FUT9: variants seen among roughly 807,000 people sequenced by gnomAD.
The protein encoded by FUT9 is fucosyltransferase 9, also known as 4-galactosyl-N-acetylglucosaminide 3-alpha-L-fucosyltransferase 9.
Under a neutral mutation model 29.7 loss-of-function variants are expected in FUT9, and 15 were observed. The observed-to-expected ratio is 0.51, with a 90% CI of 0.34 to 0.78. The LOEUF (loss-of-function observed/expected upper bound fraction) is 0.78, where lower values mean the gene tolerates loss of function less well. FUT9 is among the 30% of genes least tolerant of loss of function. FUT9 has a pLI of 0.01. For synonymous variants in FUT9, 169 were observed against 153.7 expected (o/e 1.10, Z -0.74); for missense variants, 319 against 425.4 (o/e 0.75, Z 2.20).
chr6:96,048,441 G>T (rs1770604497), intron 1 of FUT9, among the ~76,000 whole-genome samples: 1 of 152,176 alleles, frequency 6.6e-6, no homozygotes, highest in Admixed American at 6.5e-5. Context: ...TCAATGGGAA[G>T]TGTTTGTAGC....
At chr6:96,118,783 G>T (rs1771963905) in intron 2 of FUT9, among the ~76,000 whole-genome samples, 1 of 152,162 alleles carries the variant, frequency 6.6e-6, no homozygotes, top group Non-Finnish European at 1.5e-5. Flanking sequence ...ACAAGATATG[G>T]AGGTAGAAGA....
At chr6:96,018,821 G>C (rs1351098277) in intron 1 of FUT9, among the ~76,000 whole-genome samples, 2 of 151,972 alleles carry the variant, frequency 1.3e-5, no homozygotes, top group Admixed American at 6.6e-5. Flanking sequence ...TGCAGGAAGG[G>C]AGAGATAGAG....
At chr6:96,069,088 T>C (rs962753768) in intron 1 of FUT9, among the ~76,000 whole-genome samples, 1 of 152,138 alleles carries the variant, frequency 6.6e-6, no homozygotes, top group Admixed American at 6.6e-5. Flanking sequence ...AGGCCGAGGC[T>C]GGCGGATCAC....
At chr6:96,182,859 G>C (rs78945901) in intron 2 of FUT9, among the ~76,000 whole-genome samples, 5 of 152,030 alleles carry the variant, frequency 3.3e-5, no homozygotes, top group African/African-American at 1.2e-4. Flanking sequence ...AGTATACATT[G>C]AAATCAGGTA....
At chr6:96,168,828 AT>A (rs996201822) in intron 2 of FUT9, among the ~76,000 whole-genome samples, 3 of 152,198 alleles carry the variant, frequency 2.0e-5, no homozygotes, top group African/African-American at 2.4e-5. Context: ...AGTGAAAAAA[AT>A]AAATGATAAC....
At chr6:96,177,787 T>A (rs1773230850) in intron 2 of FUT9, among the ~76,000 whole-genome samples, 1 of 152,198 alleles carries the variant, frequency 6.6e-6, no homozygotes, top group African/African-American at 2.4e-5. Flanking sequence ...TATAAGGTAT[T>A]AAAATTATTA....
chr6:96,112,729 C>G (rs889330340), intron 1 of FUT9, among the ~76,000 whole-genome samples: 2 of 152,160 alleles, frequency 1.3e-5, no homozygotes, highest in African/African-American at 4.8e-5. Context: ...TCGGTTAGTT[C>G]TAAGTGTAAG....
At chr6:96,147,925 G>A (rs1235947023) in intron 2 of FUT9, among the ~76,000 whole-genome samples, 1 of 151,386 alleles carries the variant, frequency 6.6e-6, no homozygotes, top group Non-Finnish European at 1.5e-5. Flanking sequence ...ATATGTTTCT[G>A]CATCAGAGAT....
intron 2 of FUT9, among the ~76,000 whole-genome samples, chr6:96,146,799 G>A (rs1772575879): frequency 6.6e-6 from 1 of 152,140 alleles, no homozygotes; most frequent in Non-Finnish European, 1.5e-5. Context: ...ATGAATCCAG[G>A]AGCCAGCTGA....
At chr6:96,154,341 C>A (rs1011595812) in intron 2 of FUT9, among the ~76,000 whole-genome samples, 1 of 152,076 alleles carries the variant, frequency 6.6e-6, no homozygotes, top group Non-Finnish European at 1.5e-5. Context: ...ATTATCTGGT[C>A]TAATTTTATT....
intron 1 of FUT9, among the ~76,000 whole-genome samples, chr6:96,035,772 T>C (rs1427669004): frequency 2.5e-5 from 3 of 120,940 alleles, no homozygotes; most frequent in African/African-American, 1.0e-4. Context: ...ATAATTAAAA[T>C]ATAATATAAT....
At chr6:96,161,617 G>A (rs1279219759) in intron 2 of FUT9, among the ~76,000 whole-genome samples, 13 of 152,258 alleles carry the variant, frequency 8.5e-5, no homozygotes, top group Admixed American at 5.9e-4. Context: ...GAATGTGGAT[G>A]TGAATATCTA....
At chr6:96,056,919 C>A (rs57704869) in intron 1 of FUT9, among the ~76,000 whole-genome samples, 1 of 152,044 alleles carries the variant, frequency 6.6e-6, no homozygotes, top group Non-Finnish European at 1.5e-5. Context: ...CAGTAGAAAC[C>A]GTACTGCAAG....
chr6:96,182,333 A>G (rs748213066), intron 2 of FUT9, among the ~76,000 whole-genome samples: 1 of 151,934 alleles, frequency 6.6e-6, no homozygotes, highest in Non-Finnish European at 1.5e-5. Context: ...CCTTTGTCAG[A>G]TGTATAGATT....
intron 1 of FUT9, among the ~76,000 whole-genome samples, chr6:96,094,576 G>T (rs939674379): frequency 6.6e-6 from 1 of 152,068 alleles, no homozygotes; most frequent in Non-Finnish European, 1.5e-5. Flanking sequence ...TATTGGGTTG[G>T]TACTATCAGT....
At chr6:96,182,873 T>C (rs901865344) in intron 2 of FUT9, among the ~76,000 whole-genome samples, 1 of 152,118 alleles carries the variant, frequency 6.6e-6, no homozygotes, top group Non-Finnish European at 1.5e-5. Context: ...TCAGGTAATG[T>C]GATGCCTCCA....
chr6:96,168,612 T>C (rs924989439), intron 2 of FUT9, among the ~76,000 whole-genome samples: 2 of 151,914 alleles, frequency 1.3e-5, no homozygotes, highest in African/African-American at 4.8e-5. Context: ...CAAGGGAAAA[T>C]GGCTGATTAG....
At chr6:96,040,434 G>A (rs1008888672) in intron 1 of FUT9, among the ~76,000 whole-genome samples, 8 of 152,140 alleles carry the variant, frequency 5.3e-5, no homozygotes, top group African/African-American at 7.2e-5. Context: ...AGCAATCCTC[G>A]ATATTCTTGG....
Position 96,209,559 on chromosome 6 carries a change from T to C in FUT9, c.*5324T>C, listed in dbSNP as rs1354846244. 4 of 167,034 alleles carry C rather than the reference T, an allele frequency of 2.4e-5. No homozygotes were observed. The Admixed American group carries it at 2.6e-4, about 11-fold the overall frequency. 10.3% of individuals were successfully genotyped at this position (167,034 alleles called of 1,614,324 possible). On this transcript the variant is annotated 3_prime_UTR_variant, in exon 3 of 3. Coordinates refer to ENST00000302103, the MANE Select transcript of FUT9 (RefSeq NM_006581.4). ...TATTACAAAAATCTAAAGATATTTA[T>C]TGATGCAAAAAATTTAGGGAGTCAT...
Sources: allele counts gnomAD v4.1 joint callset (sites outside exome capture counted in the v4.1 genomes callset), GRCh38; gene constraint gnomAD v4.1.1; transcripts MANE v1.5; gene names NCBI Gene and HGNC (gene_info 2026-07-23, HGNC 2026-07-21).